The following RAPGEF6 variants were observed in gnomAD, a reference collection of about 807,000 sequenced individuals.
RAPGEF6 encodes Rap guanine nucleotide exchange factor 6, also known as PDZ domain containing guanine nucleotide exchange factor (GEF) 2.
In RAPGEF6, 56 loss-of-function variants were observed where a neutral mutation model predicts 171.4. The ratio of observed to expected loss-of-function variants is 0.33; its 90% CI spans 0.26 to 0.41. RAPGEF6 has a LOEUF of 0.41. RAPGEF6 is among the 10% of genes least tolerant of loss of function. The pLI, the probability that RAPGEF6 is intolerant of heterozygous loss-of-function variation, is 1.00. For missense variants in RAPGEF6, 1,674 were observed against 1,921.4 expected, an observed-to-expected ratio of 0.87 and a Z score of 2.41; for synonymous variants, 692 against 650.1, an observed-to-expected ratio of 1.06 and a Z score of -0.98.
chr5:131,452,595 A>G (rs962497995), intron 21 of RAPGEF6, among the ~76,000 whole-genome samples: 2 of 152,012 alleles, frequency 1.3e-5, no homozygotes, highest in South Asian at 2.1e-4. Flanking sequence ...TGAAAACAAG[A>G]TGAATATCAG....
chr5:131,630,628 T>TCA (rs1299584933), intron 1 of RAPGEF6, among the ~76,000 whole-genome samples: 3 of 152,150 alleles, frequency 2.0e-5, no homozygotes, highest in Admixed American at 1.3e-4. Context: ...GAGAAATCTC[T>TCA]CACACACACA....
intron 16 of RAPGEF6, among the ~76,000 whole-genome samples, chr5:131,478,215 G>A (rs774247306): frequency 1.9e-4 from 29 of 152,064 alleles, no homozygotes; most frequent in Non-Finnish European, 2.6e-4. Flanking sequence ...GGAAGATGAG[G>A]ATATCTGATT....
intron 21 of RAPGEF6, 93 bp downstream of exon 21, chr5:131,452,961 G>A (rs750767433): frequency 2.7e-5 from 40 of 1,454,776 alleles, no homozygotes; most frequent in Non-Finnish European, 3.4e-5. Context: ...AGCACACATG[G>A]TAGAATAAAT....
intron 4 of RAPGEF6, among the ~76,000 whole-genome samples, chr5:131,576,071 C>G (rs1357191678): frequency 6.6e-6 from 1 of 152,190 alleles, no homozygotes; most frequent in Non-Finnish European, 1.5e-5. Flanking sequence ...ACCATTATTC[C>G]TGGCACAGAC....
At chr5:131,535,259 A>G (rs1338501645) in intron 6 of RAPGEF6, among the ~76,000 whole-genome samples, 1 of 152,168 alleles carries the variant, frequency 6.6e-6, no homozygotes, top group Admixed American at 6.6e-5. Flanking sequence ...GAAACAGGCC[A>G]AATTCCATAC....
intron 1 of RAPGEF6, among the ~76,000 whole-genome samples, chr5:131,630,141 A>G (rs549302367): frequency 6.6e-6 from 1 of 152,364 alleles, no homozygotes; most frequent in Non-Finnish European, 1.5e-5. Context: ...TTATTTTAAG[A>G]AACTGTCACA....
intron 5 of RAPGEF6, among the ~76,000 whole-genome samples, chr5:131,558,448 C>T (rs1295872773): frequency 6.6e-6 from 1 of 151,904 alleles, no homozygotes; most frequent in African/African-American, 2.4e-5. Flanking sequence ...CTTTGTCAAT[C>T]CTCATTATTC....
At chr5:131,546,490 G>T (rs1760542833) in intron 6 of RAPGEF6, among the ~76,000 whole-genome samples, 1 of 152,018 alleles carries the variant, frequency 6.6e-6, no homozygotes, top group Admixed American at 6.5e-5. Context: ...TGTAGTCCCA[G>T]CTACTAGGGA....
chr5:131,531,145 C>T (rs1759342484), intron 6 of RAPGEF6, among the ~76,000 whole-genome samples: 1 of 152,178 alleles, frequency 6.6e-6, no homozygotes, highest in Admixed American at 6.5e-5. Context: ...CAGAAAAACA[C>T]CACGATGCTA....
chr5:131,519,021 G>T (rs183307897), intron 7 of RAPGEF6, among the ~76,000 whole-genome samples: 166 of 152,256 alleles, frequency 1.1e-3, no homozygotes, highest in Admixed American at 2.0e-3. Context: ...GCATAGGATA[G>T]GGGTCAGGAG....
At chr5:131,484,821 T>C (rs998951472) in intron 15 of RAPGEF6, among the ~76,000 whole-genome samples, 4 of 152,180 alleles carry the variant, frequency 2.6e-5, no homozygotes, top group African/African-American at 7.2e-5. Context: ...GCACAGAATA[T>C]TGTACACAGT....
At position 131,428,915 on chromosome 5, in the gene RAPGEF6, A is replaced by C; in HGVS notation, c.4767T>G (p.Asp1589Glu). Residue 1589 changes from aspartate (D) to glutamate (E), a missense_variant, in exon 27 of 28, where the codon GAT becomes GAG. Coordinates refer to ENST00000509018, the MANE Select transcript of RAPGEF6 (RefSeq NM_016340.6). ...HPKLGDVTDA[D>E]SEADENEQVS... ...TTGTCAACATACCATCTGCTTCGCT[A>C]TCTGCATCAGTCACATCTCCTAGTT... 1 of 1,613,238 alleles carries C rather than the reference A, an allele frequency of 6.2e-7. No homozygotes were observed. Among genetic ancestry groups the C allele is most frequent in the South Asian group, 1.1e-5 (1 of 91,068 alleles).
At chr5:131,602,117 C>T (rs767503765) in intron 3 of RAPGEF6, among the ~76,000 whole-genome samples, 2 of 151,998 alleles carry the variant, frequency 1.3e-5, no homozygotes, top group Non-Finnish European at 2.9e-5. Flanking sequence ...ATTTCCACTA[C>T]AGTCATGCCT....
At chr5:131,634,616 C>A (rs1041672002) in intron 1 of RAPGEF6, among the ~76,000 whole-genome samples, 1 of 152,204 alleles carries the variant, frequency 6.6e-6, no homozygotes, top group Admixed American at 6.5e-5. Flanking sequence ...ACTTCCCTTA[C>A]AATTTCCATC....
chr5:131,461,243 A>G (rs866579894), intron 19 of RAPGEF6, among the ~76,000 whole-genome samples: 1 of 152,192 alleles, frequency 6.6e-6, no homozygotes, highest in Admixed American at 6.5e-5. Context: ...GGAAGAGCTT[A>G]CCAAATGGTT....
At position 131,533,679 on chromosome 5, in the gene RAPGEF6, G is replaced by A. The variant is rs144655978; in HGVS notation, c.496-12158C>T. On this transcript the variant is annotated intron_variant, in intron 6 of 27. Transcript: ENST00000509018. ...AAGGGAAGCTGGAAAAAAATCAGAT[G>A]TACACCAATAGTTGCAGCATGCACC... is the stretch of plus-strand genomic sequence containing the variant. Among the ~76,000 whole-genome samples, 407 of 152,082 alleles carry A rather than the reference G, an allele frequency of 2.7e-3. 3 individuals are homozygous for A. Among genetic ancestry groups the A allele is most frequent in the African/African-American group, 9.3e-3 (386 of 41,480 alleles).
intron 6 of RAPGEF6, among the ~76,000 whole-genome samples, chr5:131,527,008 T>C (rs1758912641): frequency 6.6e-6 from 1 of 152,170 alleles, no homozygotes; most frequent in South Asian, 2.1e-4. Context: ...AATGCCAAGC[T>C]AGGCATTTTG....
At chr5:131,505,129 T>C (rs547481245) in intron 10 of RAPGEF6, among the ~76,000 whole-genome samples, 9 of 152,084 alleles carry the variant, frequency 5.9e-5, no homozygotes, top group African/African-American at 2.2e-4. Context: ...CTGGCTAATA[T>C]CAAATAGAAA....
chr5:131,624,310 A>G (rs931666028), intron 1 of RAPGEF6, among the ~76,000 whole-genome samples: 2 of 152,192 alleles, frequency 1.3e-5, no homozygotes, highest in African/African-American at 4.8e-5. Context: ...AAGGCCAGTG[A>G]CACCGTTACC....
Sources: gnomAD v4.1 joint callset for allele counts (sites outside exome capture counted in the v4.1 genomes callset) on GRCh38, gnomAD v4.1.1 for gene constraint, MANE v1.5 for transcripts, NCBI Gene and HGNC (gene_info 2026-07-23, HGNC 2026-07-21) for gene names.